The following CHD5 variants were observed in gnomAD, a reference collection of about 807,000 sequenced individuals.
The protein encoded by CHD5 is ATP-dependent chromatin remodeler CHD5.
Under a neutral mutation model 230.3 loss-of-function variants are expected in CHD5, and 69 were observed. That is an observed-to-expected ratio of 0.30 (90% CI 0.25 to 0.37). The LOEUF is 0.37. Ranked by LOEUF, CHD5 falls within the 10% of genes least tolerant of loss-of-function variation. The probability of loss-of-function intolerance (pLI) is 1.00; values close to 1 mark genes in which losing one functional copy is unlikely to be tolerated. For missense variants in CHD5, 1,827 were observed against 2,622.8 expected (o/e 0.70, Z 6.63); for synonymous variants, 1,064 against 1,065.9 (o/e 1.00, Z 0.03).
rs985676727 is a variant in CHD5 at position 6,110,574 on chromosome 1, G to T, written c.5250-48C>A. On this transcript the variant is annotated intron_variant, in intron 36 of 41. Coordinates refer to ENST00000262450, the MANE Select transcript of CHD5 (RefSeq NM_015557.3). ...CAAACCTGGCCGTTAGAAGTGGTGG[G>T]GCCGTAGGGGGAGGCAGCTCAGGGA... The T allele has an allele frequency of 5.6e-6, 9 of 1,598,132 alleles. No homozygotes were observed. The East Asian group carries it at 2.0e-4, about 36-fold the overall frequency.
At position 6,121,467 on chromosome 1, in the gene CHD5, A is replaced by G. The variant is rs1205394780; in HGVS notation, c.4779+27T>C. 6.3e-7 allele frequency: 1 copy of G among 1,593,808 alleles called. No individual in the cohort carries two copies. Among genetic ancestry groups the G allele is most frequent in the South Asian group, 1.1e-5 (1 of 88,950 alleles). On this transcript the variant is annotated intron_variant, in intron 32 of 41. Coordinates refer to ENST00000262450, the MANE Select transcript of CHD5 (RefSeq NM_015557.3). This position sits in a 1 kb window ranked among gnomAD's most constrained non-coding sequence, Gnocchi z 4.5. ...CCAACCTCCACCCCACACACACCAC[A>G]GGCCCAGACGCCAGCAAGTTCCACA...
At chr1:6,123,864 G>C in intron 31 of CHD5, 84 bp downstream of exon 31, 1 of 971,032 alleles carries the variant, frequency 1.0e-6, no homozygotes, top group Non-Finnish European at 1.4e-6. Context: ...TCTTCTGTGG[G>C]ATTGTGGGTT....
intron 36 of CHD5, 26 bp downstream of exon 36, chr1:6,111,749 G>T: frequency 6.3e-7 from 1 of 1,599,072 alleles, no homozygotes; most frequent in Non-Finnish European, 8.6e-7. Context: ...GCAAGTCCCT[G>T]CCCAGCCCGG....
At chr1:6,160,981 G>A (rs1002522022) in intron 2 of CHD5, among the ~76,000 whole-genome samples, 11 of 152,208 alleles carry the variant, frequency 7.2e-5, no homozygotes, top group East Asian at 3.9e-4. Flanking sequence ...CGGGGCATGC[G>A]GGGCTTGCCA....
In CHD5 at chr1:6,149,413, C is replaced by T; in HGVS notation, c.995-1G>A. ...GTCTCATAGCCGTCACCATCATCAA[C>T]TAGGGTAGGGGAGAGGCAGTCATGG... On this transcript the variant is annotated splice_acceptor_variant, in intron 7 of 41. Transcript: ENST00000262450. LOFTEE classifies it high-confidence loss of function. The T allele has an allele frequency of 6.2e-7, 1 of 1,606,622 alleles. No homozygotes were observed. Among genetic ancestry groups the T allele is most frequent in the Non-Finnish European group, 8.5e-7 (1 of 1,175,102 alleles).
At chr1:6,163,029 C>T (rs942514665) in intron 2 of CHD5, among the ~76,000 whole-genome samples, 3 of 152,198 alleles carry the variant, frequency 2.0e-5, no homozygotes, top group Admixed American at 2.0e-4. Context: ...GGAGCAGCAG[C>T]GCATGCCACC....
At chr1:6,168,395 C>T in intron 1 of CHD5, 118 bp from the exon 2 acceptor site, 1 of 1,267,144 alleles carries the variant, frequency 7.9e-7, no homozygotes, top group Non-Finnish European at 1.1e-6. Flanking sequence ...TGCCAGGTCA[C>T]AGCTGCCCTG....
rs371741094 is a variant in CHD5 at position 6,106,687 on chromosome 1, G to A, written c.5671C>T (p.Arg1891Trp). ...MLSRIPPVAA[R>W]LQMSERSILS... ...ATGCTGCGCTCCGACATCTGCAGCC[G>A]GGCGGCCACCGGGGGGATGCGGGAC... Residue 1891 changes from arginine (R) to tryptophan (W), a missense_variant, in exon 39 of 42, where the codon CGG becomes TGG. Arg to Trp is a moderately radical substitution (Grantham distance 101). This residue lies in a region of CHD5 where 208 missense variants were observed against 302.0 expected (regional missense o/e 0.69). Transcript: ENST00000262450. 1 of 1,611,354 alleles carries A rather than the reference G, an allele frequency of 6.2e-7. No individual in the cohort carries two copies. The highest frequency in any genetic ancestry group is 8.5e-7 in the Non-Finnish European group (1 of 1,179,500).
intron 11 of CHD5, among the ~76,000 whole-genome samples, chr1:6,145,667 G>A (rs1039653115): frequency 2.6e-5 from 4 of 152,214 alleles, no homozygotes; most frequent in Admixed American, 6.5e-5. Flanking sequence ...ACTGGGGGGT[G>A]CAACAGTAGC....
intron 33 of CHD5, chr1:6,113,364 C>A: frequency 2.3e-6 from 1 of 436,808 alleles, no homozygotes; most frequent in Non-Finnish European, 4.6e-6. Context: ...ATAAAGGCTC[C>A]CATGAGCCGA....
chr1:6,118,953 C>A (rs1666419457), intron 33 of CHD5, among the ~76,000 whole-genome samples: 3 of 151,982 alleles, frequency 2.0e-5, no homozygotes, highest in African/African-American at 7.3e-5. Context: ...CCACCTCAGC[C>A]TCCCAGAGTT....
Position 6,136,510 on chromosome 1 carries a change from G to T in CHD5, c.2696+7C>A. On this transcript the variant is annotated splice_region_variant and intron_variant, in intron 17 of 41. Transcript: ENST00000262450. ...ACCACCTCCCTAGCCAGATCCAGGT[G>T]ACTCACTTGAACCTCTCTGGAGTCA... 1 of 1,613,288 alleles carries T rather than the reference G, an allele frequency of 6.2e-7. No homozygotes were observed. Among genetic ancestry groups the T allele is most frequent in the South Asian group, 1.1e-5 (1 of 91,004 alleles).
At chr1:6,169,088 C>A (rs1010535135) in intron 1 of CHD5, among the ~76,000 whole-genome samples, 3 of 151,970 alleles carry the variant, frequency 2.0e-5, no homozygotes, top group Non-Finnish European at 2.9e-5. Context: ...ACCTGAGGAC[C>A]CCAGGGGTTT....
rs1666468795 is a variant in CHD5 at position 6,121,394 on chromosome 1, A to C, written c.4779+100T>G. 3 of 1,477,476 alleles carry C rather than the reference A, an allele frequency of 2.0e-6. No homozygotes were observed. In the Admixed American group the frequency reaches 5.6e-5, roughly 28 times the overall value. 91.5% of individuals were successfully genotyped at this position (1,477,476 alleles called of 1,614,324 possible). A position where few individuals can be genotyped will look rare whatever the true frequency, so the allele number is the denominator to read the frequency against. On this transcript the variant is annotated intron_variant, in intron 32 of 41. Coordinates refer to ENST00000262450, the MANE Select transcript of CHD5 (RefSeq NM_015557.3). This position sits in a 1 kb window ranked among gnomAD's most constrained non-coding sequence, Gnocchi z 4.5. The stretch of plus-strand genomic sequence containing the variant: ...TCAGAGCCCCGAAAAGGGAGCCAGG[A>C]GGCCTGGGTTCCACCTCGCTGTACA...
rs1666258162 is a variant in CHD5 at position 6,109,919 on chromosome 1, G to C, written c.5454C>G (p.Pro1818=). The C allele has an allele frequency of 6.2e-7, 1 of 1,608,732 alleles. No homozygotes were observed. Among genetic ancestry groups the C allele is most frequent in the African/African-American group, 1.3e-5 (1 of 74,790 alleles). The change falls in exon 38 of 42, where the codon CCC becomes CCG. Residue 1818 remains proline, a synonymous_variant. Transcript: ENST00000262450. ...RAAYLNMTQD[P]NHPAMALNAR... ...CGTTGAGGGCCATGGCGGGGTGGTT[G>C]GGGTCCTGCGTCATGTTCAGGTACG...
intron 1 of CHD5, among the ~76,000 whole-genome samples, chr1:6,174,256 G>A (rs1035084883): frequency 1.8e-4 from 28 of 152,238 alleles, no homozygotes; most frequent in African/African-American, 6.5e-4. Flanking sequence ...GACAGGGAAG[G>A]AGAGTGAAAT....
At chr1:6,148,682 T>C (rs995937142) in intron 9 of CHD5, among the ~76,000 whole-genome samples, 172 bp downstream of exon 9, 3 of 152,078 alleles carry the variant, frequency 2.0e-5, no homozygotes, top group Admixed American at 1.3e-4. Flanking sequence ...GAGGAAGCTA[T>C]TGTGGACGGG....
chr1:6,172,917 G>C (rs1167644982), intron 1 of CHD5, among the ~76,000 whole-genome samples: 1 of 152,066 alleles, frequency 6.6e-6, no homozygotes, highest in African/African-American at 2.4e-5. Flanking sequence ...TCAAAACAAG[G>C]GGAAGGCGCG....
Position 6,131,857 on chromosome 1 carries a change from G to A in CHD5, c.3145-109C>T. 2 of 686,674 alleles carry A rather than the reference G, an allele frequency of 2.9e-6. No individual in the cohort carries two copies. The highest frequency in any genetic ancestry group is 2.3e-5 in the Admixed American group (1 of 43,924). 42.5% of individuals were successfully genotyped at this position (686,674 alleles called of 1,614,324 possible). Reference sequence around the variant, plus strand: ...GGAGGAGAGAGCTGCCTGCTAGGTGGGGAGACAGCTGGGACCCAGGCAGGC... The same window carrying A: ...GGAGGAGAGAGCTGCCTGCTAGGTGAGGAGACAGCTGGGACCCAGGCAGGC... On this transcript the variant is annotated intron_variant, in intron 20 of 41. Transcript: ENST00000262450. The surrounding 1 kb of genome is among the most constrained non-coding windows in gnomAD (Gnocchi z 5.0).
Sources: allele counts gnomAD v4.1 joint callset (sites outside exome capture counted in the v4.1 genomes callset), GRCh38; gene constraint gnomAD v4.1.1; regional missense constraint gnomAD v4.1.1; non-coding constraint Gnocchi (gnomAD v3.1); transcripts MANE v1.5; gene names NCBI Gene and HGNC (gene_info 2026-07-23, HGNC 2026-07-21).